The following TRIO variants were observed in gnomAD, a reference collection of about 807,000 sequenced individuals.
TRIO encodes the protein trio Rho guanine nucleotide exchange factor.
In TRIO, 58 loss-of-function variants were observed where a neutral mutation model predicts 351.9. That is an observed-to-expected ratio of 0.16 (90% CI 0.13 to 0.21). The LOEUF (loss-of-function observed/expected upper bound fraction) is 0.21, where lower values mean the gene tolerates loss of function less well. Among genes scored for constraint, TRIO ranks in the 10% least tolerant of loss-of-function variants. The pLI, the probability that TRIO is intolerant of heterozygous loss-of-function variation, is 1.00. For synonymous variants in TRIO, 1,758 were observed against 1,595.7 expected (o/e 1.10, Z -2.42); for missense variants, 3,201 against 4,027.8 (o/e 0.79, Z 5.56).
chr5:14,316,754 C>A lies in TRIO; in HGVS notation c.1731+11C>A, dbSNP rs764498413. The A allele has an allele frequency of 3.7e-6, 6 of 1,608,386 alleles. No homozygotes were observed. The highest frequency in any genetic ancestry group is 5.1e-6 in the Non-Finnish European group (6 of 1,176,836). The stretch of plus-strand genomic sequence containing the variant: ...CAGGACGTTCAGCAGGTCAGTTTCG[C>A]CTCATGCCCTTCTGCATGGGAAATG... On this transcript the variant is annotated intron_variant, in intron 9 of 56. Coordinates refer to ENST00000344204, the MANE Select transcript of TRIO (RefSeq NM_007118.4).
intron 7 of TRIO, among the ~76,000 whole-genome samples, chr5:14,299,611 C>G (rs1475613749): frequency 1.3e-5 from 2 of 152,206 alleles, no homozygotes; most frequent in Non-Finnish European, 2.9e-5. Context: ...CCCAAGAGAG[C>G]AATCCCAAGA....
At chr5:14,151,142 T>C (rs1787803574) in intron 1 of TRIO, among the ~76,000 whole-genome samples, 2 of 152,320 alleles carry the variant, frequency 1.3e-5, no homozygotes, top group East Asian at 1.9e-4. Context: ...TGAGTAACTA[T>C]AGGAGGTCAT....
At chr5:14,246,145 C>A (rs971655694) in intron 1 of TRIO, among the ~76,000 whole-genome samples, 34 of 152,154 alleles carry the variant, frequency 2.2e-4, no homozygotes, top group South Asian at 2.1e-4. Flanking sequence ...TTCGTTGTAT[C>A]CTTTGAAACA....
chr5:14,337,604 A>G (rs1741542210), intron 11 of TRIO, among the ~76,000 whole-genome samples: 1 of 152,156 alleles, frequency 6.6e-6, no homozygotes, highest in African/African-American at 2.4e-5. Flanking sequence ...CTGGAAGAGT[A>G]GGACTACTGG....
chr5:14,233,770 T>C (rs1793610891), intron 1 of TRIO, among the ~76,000 whole-genome samples: 1 of 151,910 alleles, frequency 6.6e-6, no homozygotes, highest in Non-Finnish European at 1.5e-5. Context: ...TGTTTTGTTT[T>C]GGTTTTGTGT....
chr5:14,432,075 T>C (rs1579637390), intron 34 of TRIO, among the ~76,000 whole-genome samples: 1 of 152,194 alleles, frequency 6.6e-6, no homozygotes, highest in Non-Finnish European at 1.5e-5. Context: ...AGGGGGCCAT[T>C]GGAGCCTTAA....
At chr5:14,311,411 C>T (rs549525012) in intron 8 of TRIO, among the ~76,000 whole-genome samples, 1 of 152,304 alleles carries the variant, frequency 6.6e-6, no homozygotes, top group South Asian at 2.1e-4. Flanking sequence ...AGAACTTTGC[C>T]TGGAGAAGGA....
At chr5:14,433,492 G>A (rs954156130) in intron 34 of TRIO, among the ~76,000 whole-genome samples, 2 of 152,216 alleles carry the variant, frequency 1.3e-5, no homozygotes, top group Non-Finnish European at 2.9e-5. Flanking sequence ...CTTGAAGCCA[G>A]CACTGTGGAC....
intron 1 of TRIO, among the ~76,000 whole-genome samples, chr5:14,200,388 G>T (rs980300264): frequency 6.6e-6 from 1 of 152,198 alleles, no homozygotes; most frequent in Non-Finnish European, 1.5e-5. Context: ...AATTGCGCTT[G>T]TCGCTTGAAC....
intron 1 of TRIO, among the ~76,000 whole-genome samples, chr5:14,230,340 TTGTG>T (rs59717445): frequency 0.16 from 24,445 of 148,934 alleles, 2,345 homozygotes; most frequent in East Asian, 0.27. Context: ...GGCAAGATGT[TTGTG>T]TGTGTGTGTG....
intron 1 of TRIO, among the ~76,000 whole-genome samples, chr5:14,257,265 C>T (rs773761): frequency 5.1e-4 from 78 of 152,300 alleles, no homozygotes; most frequent in Middle Eastern, 3.4e-3. Context: ...AGGGTGAGGC[C>T]GCAGCTGCAA....
chr5:14,350,658 A>G (rs935123443), intron 11 of TRIO, among the ~76,000 whole-genome samples: 3 of 152,114 alleles, frequency 2.0e-5, no homozygotes, highest in Admixed American at 1.3e-4. Context: ...TGCCCTGAAT[A>G]TGCCCCTGTG....
At chr5:14,275,969 T>TAA (rs1299995313) in intron 2 of TRIO, among the ~76,000 whole-genome samples, 7 of 148,246 alleles carry the variant, frequency 4.7e-5, no homozygotes, top group African/African-American at 7.4e-5. Flanking sequence ...TACATATATA[T>TAA]ACATACATAT....
At chr5:14,225,477 C>A (rs1175641128) in intron 1 of TRIO, among the ~76,000 whole-genome samples, 5 of 152,102 alleles carry the variant, frequency 3.3e-5, no homozygotes, top group African/African-American at 4.8e-5. Flanking sequence ...GGGTCCTGTT[C>A]AGGTCCATTC....
intron 1 of TRIO, among the ~76,000 whole-genome samples, chr5:14,230,328 C>A (rs1393527051): frequency 7.1e-6 from 1 of 140,972 alleles, no homozygotes; most frequent in Non-Finnish European, 1.5e-5. Flanking sequence ...ATTGGAAAGT[C>A]AGGCAAGATG....
At chr5:14,187,278 C>G (rs954395225) in intron 1 of TRIO, among the ~76,000 whole-genome samples, 5 of 152,154 alleles carry the variant, frequency 3.3e-5, no homozygotes, top group African/African-American at 1.2e-4. Flanking sequence ...ATCTAATGCC[C>G]AGCCAACAGT....
In TRIO at chr5:14,233,781, TTTTTGTTTGTGTG is replaced by T. The variant is rs1793612109; in HGVS notation, c.158-37035_158-37023del. Among the ~76,000 whole-genome samples, 4 of 152,104 alleles carry T rather than the reference TTTTTGTTTGTGTG, an allele frequency of 2.6e-5. No individual in the cohort carries two copies. The South Asian group carries it at 8.3e-4, about 32-fold the overall frequency. ...TTTTTGTTTTGTTTTGGTTTTGTGT[TTTTTGTTTGTGTG>T]TTTTGTTTTTTGTTTGTTTTGAGTC... On this transcript the variant is annotated intron_variant, in intron 1 of 56. Transcript: ENST00000344204.
chr5:14,287,474 A>C (rs1736549131), intron 4 of TRIO, among the ~76,000 whole-genome samples: 1 of 152,218 alleles, frequency 6.6e-6, no homozygotes, highest in South Asian at 2.1e-4. Flanking sequence ...CAGAGTCCCT[A>C]AGTTTCATCC....
chr5:14,268,748 A>G (rs1328299238), intron 1 of TRIO, among the ~76,000 whole-genome samples: 1 of 152,182 alleles, frequency 6.6e-6, no homozygotes, highest in Non-Finnish European at 1.5e-5. Context: ...ACATTTCATA[A>G]TCTGCCTTGT....
Sources: gnomAD v4.1 joint callset for allele counts (sites outside exome capture counted in the v4.1 genomes callset) on GRCh38, gnomAD v4.1.1 for gene constraint, MANE v1.5 for transcripts, NCBI Gene and HGNC (gene_info 2026-07-23, HGNC 2026-07-21) for gene names.